Variants in HRH2 observed in about 807,000 individuals in gnomAD.
HRH2 encodes the protein histamine receptor H2, also known as histamine H2 receptor.
In HRH2, 4 loss-of-function variants were observed where a neutral mutation model predicts 20.1. That is an observed-to-expected ratio of 0.20 (90% CI 0.10 to 0.45). The LOEUF is 0.45. Among genes scored for constraint, HRH2 ranks in the 20% least tolerant of loss-of-function variants. HRH2 has a pLI of 0.99. For missense variants in HRH2, 250 were observed against 461.6 expected (o/e 0.54, Z 4.20); for synonymous variants, 197 against 200.7 (o/e 0.98, Z 0.16).
intron 2 of HRH2, among the ~76,000 whole-genome samples, chr5:175,704,193 C>T (rs1314497740): frequency 6.6e-6 from 1 of 152,026 alleles, no homozygotes; most frequent in Non-Finnish European, 1.5e-5. Flanking sequence ...AAGGAAATTA[C>T]AAGCTAATCA....
In HRH2 at chr5:175,690,379, C is replaced by A. The variant is rs936049089; in HGVS notation, c.1076+6070C>A. ...CACTCTCCAGTCTGAGCTGCAGCTT[C>A]CTTACTGTAAAATGCTGATAATCAT... is the stretch of plus-strand genomic sequence containing the variant. On this transcript the variant is annotated intron_variant, in intron 2 of 2. Coordinates refer to ENST00000636584, the MANE Select transcript of HRH2 (RefSeq NM_001367711.1). 9.8e-5 allele frequency among the ~76,000 whole-genome samples: 15 copies of A among 152,324 alleles called. 1 individual carries two copies. Among genetic ancestry groups the A allele is most frequent in the Admixed American group, 7.2e-4 (11 of 15,304 alleles).
Position 175,682,942 on chromosome 5 carries a change from T to C in HRH2, c.-292T>C, listed in dbSNP as rs1756037270. The stretch of plus-strand genomic sequence containing the variant: ...GCTCTTCAGGGGACCGTCTGAGGAC[T>C]GGAGTTTGATCCATGAACCTGGCTT... On this transcript the variant is annotated 5_prime_UTR_variant, in exon 2 of 3. Coordinates refer to ENST00000636584, the MANE Select transcript of HRH2 (RefSeq NM_001367711.1). 1 of 373,432 alleles carries C rather than the reference T, an allele frequency of 2.7e-6. No homozygotes were observed. The highest frequency in any genetic ancestry group is 4.3e-5 in the Admixed American group (1 of 23,228). 23.1% of individuals were successfully genotyped at this position (373,432 alleles called of 1,614,324 possible).
chr5:175,694,733 G>C (rs1290111292), intron 2 of HRH2, among the ~76,000 whole-genome samples: 1 of 152,180 alleles, frequency 6.6e-6, no homozygotes, highest in Non-Finnish European at 1.5e-5. Flanking sequence ...CTGAGCCTCT[G>C]GATGGGAAGT....
chr5:175,688,335 C>T (rs905651927), intron 2 of HRH2, among the ~76,000 whole-genome samples: 2 of 152,230 alleles, frequency 1.3e-5, no homozygotes, highest in Non-Finnish European at 2.9e-5. Flanking sequence ...CCCTCTGGCC[C>T]GTCCTGATTT....
chr5:175,667,884 C>A (rs1004909881), intron 1 of HRH2, among the ~76,000 whole-genome samples: 5 of 152,120 alleles, frequency 3.3e-5, no homozygotes, highest in African/African-American at 1.2e-4. Context: ...AAGTGGGCCA[C>A]CTACTTGGAT....
At chr5:175,675,696 C>G (rs1220337578) in intron 1 of HRH2, among the ~76,000 whole-genome samples, 3 of 152,234 alleles carry the variant, frequency 2.0e-5, no homozygotes, top group African/African-American at 7.2e-5. Context: ...ATGGCCCTGT[C>G]TCACTCCTAA....
At chr5:175,685,278 C>A in intron 2 of HRH2, 1 of 770,600 alleles carries the variant, frequency 1.3e-6, no homozygotes, top group Non-Finnish European at 2.0e-6. Context: ...ACCGAGGAAG[C>A]TCGCTGTGAG....
chr5:175,689,942 C>G (rs938093225), intron 2 of HRH2, among the ~76,000 whole-genome samples: 1 of 152,198 alleles, frequency 6.6e-6, no homozygotes, highest in South Asian at 2.1e-4. Context: ...GTCTTTTGCT[C>G]CAAATCCAAT....
chr5:175,685,512 T>C (rs1270460995), intron 2 of HRH2: 2 of 1,530,538 alleles, frequency 1.3e-6, no homozygotes, highest in African/African-American at 1.4e-5. Flanking sequence ...TCCCACCACA[T>C]GCCAGGAATT....
intron 1 of HRH2, among the ~76,000 whole-genome samples, chr5:175,660,696 C>CTT (rs1477393572): frequency 6.6e-6 from 1 of 152,166 alleles, no homozygotes; most frequent in Admixed American, 6.5e-5. Context: ...AAAAAGGTAA[C>CTT]TTACGGTTCA....
chr5:175,666,677 C>T (rs760473838), intron 1 of HRH2, among the ~76,000 whole-genome samples: 1 of 152,150 alleles, frequency 6.6e-6, no homozygotes, highest in African/African-American at 2.4e-5. Context: ...GCGATCCACC[C>T]GCCTTGCCTC....
At chr5:175,671,845 A>T (rs975599716) in intron 1 of HRH2, among the ~76,000 whole-genome samples, 7 of 152,134 alleles carry the variant, frequency 4.6e-5, no homozygotes, top group Non-Finnish European at 8.8e-5. Flanking sequence ...AAGAGGGTGT[A>T]GAGCTCTGTA....
At chr5:175,696,026 G>A (rs1756564953) in intron 2 of HRH2, among the ~76,000 whole-genome samples, 2 of 152,264 alleles carry the variant, frequency 1.3e-5, no homozygotes, top group African/African-American at 4.8e-5. Context: ...GCAAACAGCA[G>A]GCCTCTTTGA....
chr5:175,669,570 G>C (rs769656183), intron 1 of HRH2, among the ~76,000 whole-genome samples: 1 of 151,882 alleles, frequency 6.6e-6, no homozygotes, highest in Non-Finnish European at 1.5e-5. Flanking sequence ...CACTATGTTG[G>C]CCAGGCTGGT....
At chr5:175,664,171 C>T (rs1485475241) in intron 1 of HRH2, among the ~76,000 whole-genome samples, 1 of 152,186 alleles carries the variant, frequency 6.6e-6, no homozygotes, top group African/African-American at 2.4e-5. Context: ...CAAACACCTC[C>T]AGCTCCAGCA....
chr5:175,659,844 G>A (rs984418898), intron 1 of HRH2, among the ~76,000 whole-genome samples: 1 of 152,196 alleles, frequency 6.6e-6, no homozygotes. Flanking sequence ...AGCAGGGTTG[G>A]GGTACTCTTG....
intron 2 of HRH2, among the ~76,000 whole-genome samples, chr5:175,695,156 C>G (rs1294575440): frequency 6.6e-6 from 1 of 152,056 alleles, no homozygotes; most frequent in Admixed American, 6.5e-5. Flanking sequence ...TCATGCTGCC[C>G]AGCACGTTGA....
At chr5:175,704,935 C>T (rs1756898330) in intron 2 of HRH2, among the ~76,000 whole-genome samples, 1 of 151,676 alleles carries the variant, frequency 6.6e-6, no homozygotes, top group South Asian at 2.1e-4. Flanking sequence ...AGTGTGGTAT[C>T]CTTTTATAAA....
intron 2 of HRH2, among the ~76,000 whole-genome samples, chr5:175,685,058 A>T (rs541383566): frequency 6.6e-6 from 1 of 152,102 alleles, no homozygotes; most frequent in Non-Finnish European, 1.5e-5. Flanking sequence ...AAGAGAGGAA[A>T]GCAAAATCAA....
Sources: gnomAD v4.1 joint callset for allele counts (sites outside exome capture counted in the v4.1 genomes callset) on GRCh38, gnomAD v4.1.1 for gene constraint, MANE v1.5 for transcripts, NCBI Gene and HGNC (gene_info 2026-07-23, HGNC 2026-07-21) for gene names.